TDP1: variants seen among roughly 807,000 people sequenced by gnomAD.
TDP1 encodes the protein tyrosyl-DNA phosphodiesterase 1, also known as tyr-DNA phosphodiesterase 1.
A neutral mutation model predicts 81.5 loss-of-function variants in TDP1; 64 were observed. The observed-to-expected ratio is 0.79, with a 90% confidence interval of 0.64 to 0.97. The LOEUF is 0.97. Ranked by LOEUF, TDP1 falls within the 50% of genes least tolerant of loss-of-function variation. TDP1 has a pLI of 0.00. For synonymous variants in TDP1, 256 were observed against 264.3 expected, an observed-to-expected ratio of 0.97 and a Z score of 0.30; for missense variants, 723 against 743.8, an observed-to-expected ratio of 0.97 and a Z score of 0.33.
chr14:90,032,878 G>A (rs1887438554), intron 15 of TDP1: 1 of 983,222 alleles, frequency 1.0e-6, no homozygotes, highest in African/African-American at 1.8e-5. Flanking sequence ...TGCAAACTTT[G>A]CTATAACTTA....
intron 14 of TDP1, among the ~76,000 whole-genome samples, chr14:90,008,113 T>C (rs1566902362): frequency 6.6e-6 from 1 of 152,218 alleles, no homozygotes; most frequent in African/African-American, 2.4e-5. Context: ...TTGTTGTATT[T>C]CTTCACTCTA....
At chr14:89,992,010 A>T in intron 13 of TDP1, 27 bp downstream of exon 13, 1 of 1,592,044 alleles carries the variant, frequency 6.3e-7, no homozygotes, top group African/African-American at 1.3e-5. Flanking sequence ...GACTGCTGCT[A>T]TTGCTTCTTT....
intron 15 of TDP1, chr14:90,022,648 A>G (rs943077225): frequency 1.6e-6 from 1 of 623,176 alleles, no homozygotes; most frequent in African/African-American, 2.0e-5. Context: ...TCAGTCTGTA[A>G]AAAGGGTTGT....
At chr14:90,023,807 G>C (rs550986206) in intron 15 of TDP1, among the ~76,000 whole-genome samples, 85 of 152,186 alleles carry the variant, frequency 5.6e-4, no homozygotes, top group African/African-American at 2.0e-3. Context: ...GAGTAGCTGG[G>C]ACTACAAGTG....
chr14:89,998,372 T>TTATATATATATA (rs58264054), intron 14 of TDP1, among the ~76,000 whole-genome samples: 38 of 53,086 alleles, frequency 7.2e-4, no homozygotes, highest in African/African-American at 1.2e-3. Flanking sequence ...TCCAAGCACA[T>TTATATATATATA]TATATATATA....
At chr14:90,020,354 T>TCCTCCCTCCCCCCCTCCCTG (rs1885832408) in intron 15 of TDP1, among the ~76,000 whole-genome samples, 1 of 128,326 alleles carries the variant, frequency 7.8e-6, no homozygotes, top group African/African-American at 3.9e-5. Context: ...CTTCCTCCCT[T>TCCTCCCTCCCCCCCTCCCTG]CCTCCCTCCC....
intron 8 of TDP1, 52 bp downstream of exon 8, chr14:89,980,684 A>G: frequency 7.1e-7 from 1 of 1,402,300 alleles, no homozygotes; most frequent in Non-Finnish European, 1.0e-6. Flanking sequence ...ATAAAGGTCA[A>G]AAGCCAGAAC....
At chr14:90,002,412 T>C (rs1015810040) in intron 14 of TDP1, among the ~76,000 whole-genome samples, 28 of 152,244 alleles carry the variant, frequency 1.8e-4, no homozygotes, top group Non-Finnish European at 3.7e-4. Flanking sequence ...ATAGAAAACA[T>C]GCGGTTGTTT....
Position 89,980,557 on chromosome 14 carries a change from T to C in TDP1, c.809T>C (p.Leu270Pro). 6.2e-7 allele frequency: 1 copy of C among 1,614,174 alleles called. No homozygotes were observed. Among genetic ancestry groups the C allele is most frequent in the Non-Finnish European group, 8.5e-7 (1 of 1,180,000 alleles). The change falls in exon 8 of 17, where the codon CTC (leucine) becomes CCC (proline). Residue 270 changes from leucine to proline, a missense_variant. By Grantham distance (98) the Leu-to-Pro change is moderately conservative (BLOSUM62 -3). Transcript: ENST00000335725. ...GTHHTKMMLL[L>P]YEEGLRVVIH... ...TTTTAAAGGAAAATGATGCTGCTGC[T>C]CTATGAAGAAGGCCTCCGGGTTGTC...
chr14:89,956,030 G>C (rs1395521073), intron 1 of TDP1, 60 bp downstream of exon 1: 2 of 152,858 alleles, frequency 1.3e-5, no homozygotes, highest in East Asian at 1.9e-4. Flanking sequence ...CTGCGGTCGG[G>C]CCCGGGATCC....
Position 90,043,256 on chromosome 14 carries a change from A to G in TDP1, c.*113A>G, listed in dbSNP as rs1208631774. The G allele has an allele frequency of 7.5e-7, 1 of 1,333,744 alleles. No homozygotes were observed. The highest frequency in any genetic ancestry group is 2.4e-5 in the East Asian group (1 of 41,784). The allele number at this position is 1,333,744 out of a possible 1,614,324, so 82.6% of individuals were successfully genotyped here. ...AAAGTCTTATTTGCACCCTTACAAA[A>G]TCTTTCCAAAGGTCACTCTTATGAA... On this transcript the variant is annotated 3_prime_UTR_variant, in exon 17 of 17. Transcript: ENST00000335725.
intron 15 of TDP1, among the ~76,000 whole-genome samples, chr14:90,029,558 G>A (rs1182001084): frequency 6.8e-6 from 1 of 147,990 alleles, no homozygotes; most frequent in African/African-American, 2.5e-5. Flanking sequence ...GAGTACAGTG[G>A]CTCGATCTCG....
At chr14:90,025,876 G>T (rs1399350595) in intron 15 of TDP1, among the ~76,000 whole-genome samples, 3 of 152,160 alleles carry the variant, frequency 2.0e-5, no homozygotes, top group Middle Eastern at 3.2e-3. Context: ...CCACTGAGTA[G>T]GCACTAGACT....
intron 8 of TDP1, chr14:89,983,068 C>T: frequency 4.4e-6 from 2 of 454,370 alleles, no homozygotes; most frequent in South Asian, 3.1e-5. Flanking sequence ...TGCCTCATAT[C>T]TCAGCATCTT....
chr14:89,985,271 A>G (rs1895431585), intron 10 of TDP1, 61 bp downstream of exon 10: 1 of 944,126 alleles, frequency 1.1e-6, no homozygotes, highest in African/African-American at 1.7e-5. Context: ...CTCTCTTTTA[A>G]AATAATTATA....
chr14:89,984,562 A>T lies in TDP1; in HGVS notation c.931A>T (p.Lys311Ter). The T allele has an allele frequency of 6.2e-7, 1 of 1,614,152 alleles. No individual in the cohort carries two copies. ...LYPRIADGTH[K>*]SGESPTHFKA... ...CCCACGAATTGCTGATGGAACCCACAAATCTGGAGAGTCGCCAACACATTT... is the reference window on the plus strand; with the variant it reads ...CCCACGAATTGCTGATGGAACCCACTAATCTGGAGAGTCGCCAACACATTT... The change falls in exon 9 of 17, where the codon AAA becomes TAA. Residue 311 changes from lysine (K) to a stop codon, truncating the protein, a stop_gained. Transcript: ENST00000335725. LOFTEE classifies it high-confidence loss of function.
At chr14:89,970,797 C>G in intron 5 of TDP1, 4 of 949,540 alleles carry the variant, frequency 4.2e-6, no homozygotes, top group Non-Finnish European at 5.0e-6. Context: ...CTTAATGAGG[C>G]GAGTCCAGCT....
At chr14:90,002,375 C>G (rs952042826) in intron 14 of TDP1, among the ~76,000 whole-genome samples, 2 of 152,142 alleles carry the variant, frequency 1.3e-5, no homozygotes, top group East Asian at 3.8e-4. Flanking sequence ...TGGCTTTTAT[C>G]TCATTTATGG....
intron 11 of TDP1, 84 bp from the exon 12 acceptor site, chr14:89,989,633 T>G (rs1216110083): frequency 8.0e-7 from 1 of 1,254,062 alleles, no homozygotes; most frequent in African/African-American, 1.5e-5. Flanking sequence ...TTTTAACAGA[T>G]TTTCATTTCC....
Sources: gnomAD v4.1 joint callset for allele counts (sites outside exome capture counted in the v4.1 genomes callset) on GRCh38, gnomAD v4.1.1 for gene constraint, MANE v1.5 for transcripts, NCBI Gene and HGNC (gene_info 2026-07-23, HGNC 2026-07-21) for gene names.